The following APOC3 variants were observed in gnomAD, a reference collection of about 807,000 sequenced individuals.
The protein encoded by APOC3 is apolipoprotein C-III.
A neutral mutation model predicts 7.3 loss-of-function variants in APOC3; 6 were observed. The ratio of observed to expected loss-of-function variants is 0.82; its 90% confidence interval spans 0.45 to 1.61. The LOEUF is 1.61. Ranked by LOEUF, APOC3 falls within the 40% of genes most tolerant of loss-of-function variation. The pLI, the probability that APOC3 is intolerant of heterozygous loss-of-function variation, is 0.01. For missense variants in APOC3, 123 were observed against 124.9 expected (o/e 0.98, Z 0.07); for synonymous variants, 45 against 51.2 (o/e 0.88, Z 0.52).
rs2134224789 is a variant in APOC3, at chr11:116,830,793, G to A, written c.76G>A (p.Ala26Thr). 6.2e-7 allele frequency: 1 copy of A among 1,613,310 alleles called. No individual in the cohort carries two copies. Among genetic ancestry groups the A allele is most frequent in the East Asian group, 2.2e-5 (1 of 44,870 alleles). ...CTCAGGAGCTTCAGAGGCCGAGGAT[G>A]CCTCCCTTCTCAGCTTCATGCAGGG... is the stretch of plus-strand genomic sequence containing the variant. ...ASARASEAED[A>T]SLLSFMQGYM... is the part of the protein sequence containing the mutation. The change falls in exon 3 of 4, where the codon GCC becomes ACC. Residue 26 changes from alanine (A) to threonine (T), a missense_variant. Ala to Thr is a moderately conservative substitution (Grantham distance 58, BLOSUM62 0). Transcript: ENST00000227667.
chr11:116,831,866 G>C (rs1941466145), intron 3 of APOC3, among the ~76,000 whole-genome samples: 1 of 152,178 alleles, frequency 6.6e-6, no homozygotes, highest in South Asian at 2.1e-4. Flanking sequence ...TTCACAATAG[G>C]GTTCACACTC....
Position 116,833,002 on chromosome 11 carries a change from C to T in APOC3, c.*118C>T. 1 of 1,422,986 alleles carries T rather than the reference C, an allele frequency of 7.0e-7. No homozygotes were observed. The highest frequency in any genetic ancestry group is 1.4e-5 in the African/African-American group (1 of 71,004). The allele number at this position is 1,422,986 out of a possible 1,614,324, so 88.1% of individuals were successfully genotyped here. A position where few individuals can be genotyped will look rare whatever the true frequency, so the allele number is the denominator to read the frequency against. On this transcript the variant is annotated 3_prime_UTR_variant, in exon 4 of 4. Coordinates refer to ENST00000227667, the MANE Select transcript of APOC3 (RefSeq NM_000040.3). ...GGACAGTATTCTCAGTGCTCTCCTA[C>T]CCCACCTCATGCCTGGCCCCCCTCC...
intron 2 of APOC3, 24 bp from the exon 3 acceptor site, chr11:116,830,749 C>T (rs758919178): frequency 6.2e-7 from 1 of 1,613,316 alleles, no homozygotes; most frequent in Non-Finnish European, 8.5e-7. Flanking sequence ...CGATCCACCC[C>T]ACTCAGCCCT....
At chr11:116,831,630 G>A (rs943939607) in intron 3 of APOC3, among the ~76,000 whole-genome samples, 1 of 152,148 alleles carries the variant, frequency 6.6e-6, no homozygotes, top group African/African-American at 2.4e-5. Flanking sequence ...CTCCCAAAGT[G>A]CTGGGATTAC....
chr11:116,830,921 A>T, intron 3 of APOC3, 25 bp downstream of exon 3: 1 of 1,561,308 alleles, frequency 6.4e-7, no homozygotes, highest in Non-Finnish European at 8.7e-7. Context: ...CTCCCTCCCC[A>T]TCCCCCCTGC....
In APOC3 at chr11:116,831,230, TTTCTTTCTTTCTTTCTTTC is replaced by T. The variant is rs1165388356; in HGVS notation, c.179+337_179+355del. On this transcript the variant is annotated intron_variant, in intron 3 of 3. Coordinates refer to ENST00000227667, the MANE Select transcript of APOC3 (RefSeq NM_000040.3). ...CTTTCTTTCTTTCTTTCTTTCTTTC[TTTCTTTCTTTCTTTCTTTC>T]TTTCTTTCCTTTCTTTCTTTCCTTT... The T allele has an allele frequency of 3.9e-4, 76 of 195,796 alleles. 4 individuals are homozygous for T. In the East Asian group the frequency reaches 7.9e-3, roughly 20 times the overall value. The allele number at this position is 195,796 out of a possible 1,614,324, so 12.1% of individuals were successfully genotyped here.
At chr11:116,830,747 C>T (rs750875844) in intron 2 of APOC3, 26 bp from the exon 3 acceptor site, 28 of 1,613,390 alleles carry the variant, frequency 1.7e-5, no homozygotes, top group Non-Finnish European at 2.4e-5. Context: ...GCCGATCCAC[C>T]CCACTCAGCC....
chr11:116,832,226 G>A (rs980159811), intron 3 of APOC3, among the ~76,000 whole-genome samples: 3 of 152,198 alleles, frequency 2.0e-5, no homozygotes, highest in African/African-American at 7.2e-5. Flanking sequence ...TAGCAGAGGT[G>A]TTCATAAACA....
At chr11:116,831,098 A>G in intron 3 of APOC3, 1 of 670,324 alleles carries the variant, frequency 1.5e-6, no homozygotes, top group Non-Finnish European at 2.5e-6. Flanking sequence ...CATTCCTCCC[A>G]GGTCCCTCCT....
chr11:116,832,325 T>C (rs1941471650), intron 3 of APOC3, among the ~76,000 whole-genome samples: 1 of 152,220 alleles, frequency 6.6e-6, no homozygotes, highest in South Asian at 2.1e-4. Flanking sequence ...TTAGGTGACC[T>C]GCCCCAGATC....
At chr11:116,831,434 G>A (rs371762865) in intron 3 of APOC3, among the ~76,000 whole-genome samples, 6 of 147,552 alleles carry the variant, frequency 4.1e-5, no homozygotes, top group African/African-American at 1.0e-4. Context: ...GTGCCATCTC[G>A]GCTCACTGCA....
chr11:116,831,039 A>C (rs1196573673), intron 3 of APOC3, 143 bp downstream of exon 3: 2 of 983,728 alleles, frequency 2.0e-6, no homozygotes, highest in Non-Finnish European at 3.0e-6. Flanking sequence ...CTCTTTCCTC[A>C]CAGGGCCTTT....
intron 2 of APOC3, 45 bp downstream of exon 2, chr11:116,830,682 T>C (rs748417654): frequency 1.9e-5 from 31 of 1,613,260 alleles, no homozygotes; most frequent in Admixed American, 5.0e-5. Flanking sequence ...TGGAGGCAAC[T>C]TGGGGATCCC....
At chr11:116,831,071 T>C in intron 3 of APOC3, 175 bp downstream of exon 3, 1 of 792,654 alleles carries the variant, frequency 1.3e-6, no homozygotes, top group South Asian at 1.7e-5. Flanking sequence ...GCGGGAGAGA[T>C]GACAGAGTTG....
intron 3 of APOC3, chr11:116,831,187 CTATT>C (rs1314746615): frequency 5.8e-5 from 11 of 191,088 alleles, no homozygotes; most frequent in East Asian, 1.2e-4. Context: ...CTTTCTCTTT[CTATT>C]TCTTTCTTTC....
chr11:116,831,190 TTTCTTTC>T (rs1941445942), intron 3 of APOC3: 3 of 58,864 alleles, frequency 5.1e-5, no homozygotes, highest in Non-Finnish European at 8.8e-5. Context: ...TCTCTTTCTA[TTTCTTTC>T]TTTCTTTCTT....
intron 1 of APOC3, among the ~76,000 whole-genome samples, chr11:116,830,307 T>C (rs1438893721): frequency 6.6e-5 from 10 of 152,180 alleles, no homozygotes; most frequent in African/African-American, 2.2e-4. Context: ...TTGGCTGGAC[T>C]GGACGGAGAT....
In APOC3 at chr11:116,831,117, G is replaced by A. The variant is rs1269330; in HGVS notation, c.179+221G>A. On this transcript the variant is annotated intron_variant, in intron 3 of 3. Transcript: ENST00000227667. ...CCTCCCAGGTCCCTCCTTTCTCCCCGGAGCAGTCCTAGGGCGTGCCGTTTT... is the reference window on the plus strand; with the variant it reads ...CCTCCCAGGTCCCTCCTTTCTCCCCAGAGCAGTCCTAGGGCGTGCCGTTTT... 54,283 of 615,808 alleles carry A rather than the reference G, an allele frequency of 0.088. 7,717 individuals carry two copies. The highest frequency in any genetic ancestry group is 0.49 in the African/African-American group (25,276 of 51,708). The allele number at this position is 615,808 out of a possible 1,614,324, so 38.1% of individuals were successfully genotyped here.
chr11:116,832,106 G>C (rs978693315), intron 3 of APOC3, among the ~76,000 whole-genome samples: 2 of 152,152 alleles, frequency 1.3e-5, no homozygotes, highest in Non-Finnish European at 2.9e-5. Flanking sequence ...AAGACCTGGG[G>C]CCAGTGTGAG....
Sources: gnomAD v4.1 joint callset for allele counts (sites outside exome capture counted in the v4.1 genomes callset) on GRCh38, gnomAD v4.1.1 for gene constraint, MANE v1.5 for transcripts, NCBI Gene and HGNC (gene_info 2026-07-23, HGNC 2026-07-21) for gene names.